Variants in MPHOSPH9 observed in about 807,000 individuals in gnomAD.
The protein encoded by MPHOSPH9 is M-phase phosphoprotein 9.
MPHOSPH9 carries 88 observed loss-of-function variants against 145.5 expected under a neutral mutation model. That is an observed-to-expected ratio of 0.60 (90% confidence interval 0.51 to 0.72). MPHOSPH9 has a LOEUF of 0.72. MPHOSPH9 is among the 30% of genes least tolerant of loss of function. The pLI, the probability that MPHOSPH9 is intolerant of heterozygous loss-of-function variation, is 0.00. For synonymous variants in MPHOSPH9, 435 were observed against 486.2 expected (o/e 0.89, Z 1.39); for missense variants, 1,238 against 1,386.6 (o/e 0.89, Z 1.70).
In MPHOSPH9 at chr12:123,165,306, T is replaced by C. The variant is rs758613152; in HGVS notation, c.2763A>G (p.Ser921=). The C allele has an allele frequency of 6.2e-7, 1 of 1,612,528 alleles. No homozygotes were observed. The highest frequency in any genetic ancestry group is 1.7e-5 in the Admixed American group (1 of 59,848). Residue 921 remains serine (S), a synonymous_variant, in exon 18 of 24, where the codon TCA becomes TCG. Coordinates refer to ENST00000606320, the MANE Select transcript of MPHOSPH9 (RefSeq NM_022782.4). ...CTCAAACAAGGAAATACTCACTATT[T>C]GAGGTGTCCTCTTTCTCTGTCTGTG... ...WGTQTEKEDT[S]NINPRQTETS...
At position 123,203,055 on chromosome 12, in the gene MPHOSPH9, C is replaced by T. The variant is rs746519566; in HGVS notation, c.1350G>A (p.Met450Ile). 1.2e-6 allele frequency: 2 copies of T among 1,613,934 alleles called. No individual in the cohort carries two copies. The highest frequency in any genetic ancestry group is 3.3e-5 in the Admixed American group (2 of 59,984). ...TCCCTGAAATCTGCTGCTTTGGCTT[C>T]ATGTGTAACGTAGGATCTAGAGTCA... Reference protein sequence around the residue: ...EVLTLDPTLHMKPKQQISGIQ... With the variant: ...EVLTLDPTLHIKPKQQISGIQ... The change falls in exon 10 of 24, where the codon ATG (methionine) becomes ATA (isoleucine). Residue 450 changes from methionine (M) to isoleucine (I), a missense_variant. By Grantham distance (10) the Met-to-Ile change is conservative. This residue lies in a region of MPHOSPH9 where 837 missense variants were observed against 897.5 expected (regional missense o/e 0.93). Coordinates refer to ENST00000606320, the MANE Select transcript of MPHOSPH9 (RefSeq NM_022782.4).
At chr12:123,210,977 C>CT (rs907442708) in intron 7 of MPHOSPH9, among the ~76,000 whole-genome samples, 2,149 of 89,770 alleles carry the variant, frequency 0.024, 159 homozygotes, top group Non-Finnish European at 0.035. Context: ...TTTGTTTTTT[C>CT]TTTTTTTTTT....
intron 11 of MPHOSPH9, among the ~76,000 whole-genome samples, chr12:123,201,903 T>C (rs1306767391): frequency 6.6e-6 from 1 of 152,164 alleles, no homozygotes; most frequent in Non-Finnish European, 1.5e-5. Context: ...TCCATAGTAC[T>C]GCTCCTCCCA....
chr12:123,157,366 C>T (rs1158531641), intron 23 of MPHOSPH9, among the ~76,000 whole-genome samples: 1 of 117,568 alleles, frequency 8.5e-6, no homozygotes, highest in East Asian at 2.8e-4. Flanking sequence ...AAAAAAAACA[C>T]TGAAGGATAC....
At chr12:123,202,369 T>C (rs766734491) in intron 10 of MPHOSPH9, 50 bp from the exon 11 acceptor site, 6 of 1,516,688 alleles carry the variant, frequency 4.0e-6, no homozygotes, top group Non-Finnish European at 5.3e-6. Flanking sequence ...ATCTTCAGTC[T>C]CCATCCCACA....
intron 5 of MPHOSPH9, among the ~76,000 whole-genome samples, chr12:123,218,989 C>A (rs952244014): frequency 6.6e-6 from 1 of 151,738 alleles, no homozygotes; most frequent in Admixed American, 6.6e-5. Context: ...TGCAGTCTGA[C>A]CTTCCTCAGC....
chr12:123,156,762 C>T lies in MPHOSPH9; in HGVS notation c.*45G>A, dbSNP rs1484956304. The stretch of plus-strand genomic sequence containing the variant: ...TGCCTTTTCTGACTGCATAATTATA[C>T]ATTAGTGCAAACAAAAATGTCTCAA... On this transcript the variant is annotated 3_prime_UTR_variant, in exon 24 of 24. Transcript: ENST00000606320. The T allele has an allele frequency of 2.0e-6, 3 of 1,493,888 alleles. No homozygotes were observed. Among genetic ancestry groups the T allele is most frequent in the Non-Finnish European group, 2.8e-6 (3 of 1,076,558 alleles). 92.5% of individuals were successfully genotyped at this position (1,493,888 alleles called of 1,614,324 possible).
chr12:123,239,301 A>C lies in MPHOSPH9; in HGVS notation c.-159+4552T>G, dbSNP rs561963694. On this transcript the variant is annotated intron_variant, in intron 1 of 2. Transcript: ENST00000545406. ...AAAACGTTGATCACGTGTGGAAATA[A>C]TAGTTTTGATATATTGGGTTAAATA... Among the ~76,000 whole-genome samples, 4 of 152,324 alleles carry C rather than the reference A, an allele frequency of 2.6e-5. No homozygotes were observed. The South Asian group carries it at 8.3e-4, about 32-fold the overall frequency.
chr12:123,229,035 T>C (rs1413033507), intron 2 of MPHOSPH9, among the ~76,000 whole-genome samples: 5 of 152,238 alleles, frequency 3.3e-5, no homozygotes. Flanking sequence ...CTTTGTTTTT[T>C]ACAACTCCCC....
At chr12:123,189,877 A>T (rs1004970214) in intron 13 of MPHOSPH9, among the ~76,000 whole-genome samples, 27 of 151,626 alleles carry the variant, frequency 1.8e-4, no homozygotes, top group African/African-American at 6.3e-4. Flanking sequence ...CGGAGCTTGC[A>T]GTGAGCCGAG....
chr12:123,233,670 C>T, upstream of MPHOSPH9: 1 of 152,556 alleles, frequency 6.6e-6, no homozygotes, highest in Non-Finnish European at 1.5e-5. Flanking sequence ...TACCTGAGGC[C>T]GCGCTGGCGG....
chr12:123,181,629 G>A (rs926245686), intron 13 of MPHOSPH9, among the ~76,000 whole-genome samples: 1 of 152,068 alleles, frequency 6.6e-6, no homozygotes, highest in Non-Finnish European at 1.5e-5. Flanking sequence ...AGGCTGAGGT[G>A]GAAGTATTGC....
intron 16 of MPHOSPH9, among the ~76,000 whole-genome samples, chr12:123,167,153 G>A (rs530150761): frequency 6.6e-6 from 1 of 152,300 alleles, no homozygotes; most frequent in Admixed American, 6.5e-5. Flanking sequence ...GACCAGCACT[G>A]TCCAACAGAA....
chr12:123,170,330 A>G (rs1316639497), intron 16 of MPHOSPH9, among the ~76,000 whole-genome samples: 2 of 151,530 alleles, frequency 1.3e-5, no homozygotes, highest in Non-Finnish European at 2.9e-5. Context: ...TTTTTAGTAG[A>G]GACGGGGTTT....
Position 123,210,058 on chromosome 12 carries a change from G to A in MPHOSPH9, c.1192C>T (p.Gln398Ter). ...SLSSTDVSPN[Q>*]SNTSNEMKLP... ...GCCACCGTGTGTTTTTAAATTACCT[G>A]GTTTGGTGACACATCTGTGGAAGAC... The change falls in exon 8 of 24, where the codon CAG becomes TAG. Residue 398 changes from glutamine to a stop codon, truncating the protein, a stop_gained and splice_region_variant. Transcript: ENST00000606320. LOFTEE classifies it high-confidence loss of function. 6.2e-7 allele frequency: 1 copy of A among 1,604,420 alleles called. No homozygotes were observed. The highest frequency in any genetic ancestry group is 8.5e-7 in the Non-Finnish European group (1 of 1,174,680).
chr12:123,158,768 T>C (rs185813279), intron 23 of MPHOSPH9, among the ~76,000 whole-genome samples: 8 of 151,988 alleles, frequency 5.3e-5, no homozygotes, highest in South Asian at 2.1e-4. Flanking sequence ...GTAGCTGAGA[T>C]TGCAGGCACA....
At chr12:123,238,846 A>T (rs2047889296) in intron 1 of MPHOSPH9, among the ~76,000 whole-genome samples, 1 of 152,188 alleles carries the variant, frequency 6.6e-6, no homozygotes, top group South Asian at 2.1e-4. Context: ...TTTGGGTAGC[A>T]AGATTCTAGA....
intron 17 of MPHOSPH9, 50 bp downstream of exon 17, chr12:123,166,605 C>T (rs2044331040): frequency 6.3e-7 from 1 of 1,589,036 alleles, no homozygotes; most frequent in South Asian, 1.2e-5. Context: ...ATTGAAATCT[C>T]TAAGAAAACA....
intron 7 of MPHOSPH9, among the ~76,000 whole-genome samples, chr12:123,212,075 G>C (rs2046748239): frequency 1.3e-5 from 2 of 152,160 alleles, no homozygotes; most frequent in Admixed American, 1.3e-4. Flanking sequence ...ATAGTGCCAG[G>C]CTGGGGAGGC....
Sources: allele counts gnomAD v4.1 joint callset (sites outside exome capture counted in the v4.1 genomes callset), GRCh38; gene constraint gnomAD v4.1.1; regional missense constraint gnomAD v4.1.1; transcripts MANE v1.5; gene names NCBI Gene and HGNC (gene_info 2026-07-23, HGNC 2026-07-21).